WNT2B: variants seen among roughly 807,000 people sequenced by gnomAD.
The protein encoded by WNT2B is Wnt family member 2B.
WNT2B carries 19 observed loss-of-function variants against 40.5 expected under a neutral mutation model. That is an observed-to-expected ratio of 0.47 (90% CI 0.33 to 0.69). The LOEUF is 0.69. WNT2B is among the 30% of genes least tolerant of loss of function. WNT2B has a pLI of 0.02. For synonymous variants in WNT2B, 220 were observed against 211.9 expected (o/e 1.04, Z -0.33); for missense variants, 467 against 556.4 (o/e 0.84, Z 1.62).
chr1:112,490,548 G>C (rs1442642012), intron 1 of WNT2B, among the ~76,000 whole-genome samples: 1 of 150,120 alleles, frequency 6.7e-6, no homozygotes, highest in Non-Finnish European at 1.5e-5. Flanking sequence ...GGAGTGCAGA[G>C]GCAGGATCTC....
At chr1:112,496,180 C>T (rs1651763368) in intron 1 of WNT2B, among the ~76,000 whole-genome samples, 1 of 152,156 alleles carries the variant, frequency 6.6e-6, no homozygotes. Flanking sequence ...GCGATGTAAT[C>T]ATAGCTCACT....
intron 1 of WNT2B, among the ~76,000 whole-genome samples, chr1:112,495,127 A>C (rs1651721168): frequency 1.3e-5 from 2 of 151,584 alleles, no homozygotes; most frequent in Admixed American, 1.3e-4. Flanking sequence ...CAATGTAAAA[A>C]AATAAGTATA....
At chr1:112,512,419 C>A (rs1389114674) in intron 1 of WNT2B, among the ~76,000 whole-genome samples, 1 of 152,126 alleles carries the variant, frequency 6.6e-6, no homozygotes, top group African/African-American at 2.4e-5. Flanking sequence ...TTGGGTGGGG[C>A]CTGAATGTCT....
rs748144793 is a variant in WNT2B at position 112,526,505 on chromosome 1, C to T, written c.*5996C>T. 8 of 158,614 alleles carry T rather than the reference C, an allele frequency of 5.0e-5. No homozygotes were observed. The highest frequency in any genetic ancestry group is 1.9e-4 in the South Asian group (1 of 5,400). The allele number at this position is 158,614 out of a possible 1,614,324, so 9.8% of individuals were successfully genotyped here. ...CTGTAATCCCAGCACTTTGGGAGGC[C>T]GAGGTGGGGCAGATCACGAGGTCAG... On this transcript the variant is annotated 3_prime_UTR_variant, in exon 5 of 5. Transcript: ENST00000369684.
chr1:112,520,264 C>G lies in WNT2B; in HGVS notation c.947-16C>G, dbSNP rs565249597. The G allele has an allele frequency of 1.9e-6, 3 of 1,610,684 alleles. No homozygotes were observed. The highest frequency in any genetic ancestry group is 2.7e-5 in the African/African-American group (2 of 75,026). ...AGAGATAACTTTGTTCTCACTCCCT[C>G]TCTTCCCCAACCCAGGTTCCCTAGG... On this transcript the variant is annotated splice_polypyrimidine_tract_variant and intron_variant, in intron 4 of 4. Coordinates refer to ENST00000369684, the MANE Select transcript of WNT2B (RefSeq NM_024494.3).
chr1:112,513,931 T>C (rs1293981289), intron 1 of WNT2B, among the ~76,000 whole-genome samples: 1 of 152,180 alleles, frequency 6.6e-6, no homozygotes, highest in East Asian at 1.9e-4. Flanking sequence ...AAGGGTGATA[T>C]ACTCCTGTTT....
chr1:112,474,829 G>C (rs1435133185), intron 1 of WNT2B, among the ~76,000 whole-genome samples: 1 of 152,194 alleles, frequency 6.6e-6, no homozygotes, highest in Non-Finnish European at 1.5e-5. Flanking sequence ...CCTTGGTGCT[G>C]TTCTCATGAT....
chr1:112,502,105 T>G (rs1651973014), intron 1 of WNT2B, among the ~76,000 whole-genome samples: 1 of 152,204 alleles, frequency 6.6e-6, no homozygotes, highest in South Asian at 2.1e-4. Flanking sequence ...AGGCCTGGCC[T>G]GAGCGGTCTC....
In WNT2B at chr1:112,514,986, G is replaced by A. The variant is rs987983330; in HGVS notation, c.295G>A (p.Gly99Ser). ...YPDIMRSVGE[G>S]AREWIRECQH... ...AGACATCATGCGTTCAGTGGGCGAG[G>A]GTGCCCGAGAATGGATCCGAGAGTG... Residue 99 changes from glycine to serine, a missense_variant, in exon 2 of 5, where the codon GGT (glycine) becomes AGT (serine). Physicochemically the swap from Gly to Ser is moderately conservative, Grantham distance 56. This residue lies in a region of WNT2B where 330 missense variants were observed against 438.6 expected (regional missense o/e 0.75). Transcript: ENST00000369684. 1.9e-6 allele frequency: 3 copies of A among 1,614,206 alleles called. No homozygotes were observed. Among genetic ancestry groups the A allele is most frequent in the Non-Finnish European group, 2.5e-6 (3 of 1,180,038 alleles).
At position 112,515,609 on chromosome 1, in the gene WNT2B, A is replaced by G. The variant is rs1427311261; in HGVS notation, c.403+515A>G. 6.6e-6 allele frequency among the ~76,000 whole-genome samples: 1 copy of G among 152,234 alleles called. No homozygotes were observed. The highest frequency in any genetic ancestry group is 1.5e-5 in the Non-Finnish European group (1 of 68,040). ...ACTAGGAGAAAGGGAACAAGATGGGAATCTGGAGGTGTCAGGCATACAGGG... is the reference window on the plus strand; with the variant it reads ...ACTAGGAGAAAGGGAACAAGATGGGGATCTGGAGGTGTCAGGCATACAGGG... On this transcript the variant is annotated intron_variant, in intron 2 of 4. Coordinates refer to ENST00000369684, the MANE Select transcript of WNT2B (RefSeq NM_024494.3). This position sits in a 1 kb window ranked among gnomAD's most constrained non-coding sequence, Gnocchi z 4.4.
intron 1 of WNT2B, among the ~76,000 whole-genome samples, chr1:112,470,039 T>C (rs1650829731): frequency 6.6e-6 from 1 of 152,240 alleles, no homozygotes; most frequent in South Asian, 2.1e-4. Flanking sequence ...TGTTATGATA[T>C]TCTGTGTTTT....
intron 1 of WNT2B, chr1:112,491,147 T>A (rs946977788): frequency 1.3e-6 from 2 of 1,488,340 alleles, no homozygotes; most frequent in African/African-American, 1.4e-5. Flanking sequence ...CGGTGGCTCG[T>A]GCCTGTAATC....
At chr1:112,473,054 GAA>G (rs1650932320) in intron 1 of WNT2B, among the ~76,000 whole-genome samples, 1 of 123,164 alleles carries the variant, frequency 8.1e-6, no homozygotes. Context: ...GGAGAGGAAA[GAA>G]AAAGGAAAGG....
intron 1 of WNT2B, among the ~76,000 whole-genome samples, chr1:112,487,671 G>A (rs568099845): frequency 6.6e-6 from 1 of 152,220 alleles, no homozygotes; most frequent in African/African-American, 2.4e-5. Context: ...GGTAGCTCAC[G>A]CCTGTAATCC....
Position 112,526,004 on chromosome 1 carries a change from G to T in WNT2B, c.*5495G>T, listed in dbSNP as rs368488162. The T allele has an allele frequency of 4.3e-5, 70 of 1,614,084 alleles. 1 individual carries two copies. The highest frequency in any genetic ancestry group is 3.7e-4 in the African/African-American group (28 of 75,054). ...TGATTTGTCCAAGGTCACATGAACA[G>T]TGCGTGGCTCAGCCAGAACTCAAAC... On this transcript the variant is annotated 3_prime_UTR_variant, in exon 5 of 5. Coordinates refer to ENST00000369684, the MANE Select transcript of WNT2B (RefSeq NM_024494.3).
intron 1 of WNT2B, among the ~76,000 whole-genome samples, chr1:112,475,228 A>G (rs940491483): frequency 6.6e-6 from 1 of 152,216 alleles, no homozygotes; most frequent in South Asian, 2.1e-4. Context: ...AGATTTGCCC[A>G]CACACACAAA....
Position 112,526,482 on chromosome 1 carries a change from G to A in WNT2B, c.*5973G>A, listed in dbSNP as rs539208707. ...AGGCCGGGTGCAGTGGCTCATGCCTGTAATCCCAGCACTTTGGGAGGCCGA... is the reference window on the plus strand; with the variant it reads ...AGGCCGGGTGCAGTGGCTCATGCCTATAATCCCAGCACTTTGGGAGGCCGA... On this transcript the variant is annotated 3_prime_UTR_variant, in exon 5 of 5. Coordinates refer to ENST00000369684, the MANE Select transcript of WNT2B (RefSeq NM_024494.3). The A allele has an allele frequency of 2.8e-4, 46 of 165,936 alleles. No homozygotes were observed. The highest frequency in any genetic ancestry group is 1.1e-3 in the Admixed American group (19 of 16,852). 10.3% of individuals were successfully genotyped at this position (165,936 alleles called of 1,614,324 possible).
chr1:112,479,398 A>AC (rs1312965789), intron 1 of WNT2B, among the ~76,000 whole-genome samples: 13 of 151,244 alleles, frequency 8.6e-5, no homozygotes, highest in African/African-American at 3.2e-4. Flanking sequence ...ACATGGTGAA[A>AC]CCCCGTCTCT....
At chr1:112,467,477 A>G (rs1280223699) in exon 1 of WNT2B, 2 of 765,286 alleles carry the variant, frequency 2.6e-6, no homozygotes, top group Non-Finnish European at 4.9e-6. Context: ...TTAAATCTTA[A>G]CTGCAATCTG....
Sources: allele counts gnomAD v4.1 joint callset (sites outside exome capture counted in the v4.1 genomes callset), GRCh38; gene constraint gnomAD v4.1.1; regional missense constraint gnomAD v4.1.1; non-coding constraint Gnocchi (gnomAD v3.1); transcripts MANE v1.5; gene names NCBI Gene and HGNC (gene_info 2026-07-23, HGNC 2026-07-21).